The following CTDSP2 variants were observed in gnomAD, a reference collection of about 807,000 sequenced individuals.
CTDSP2 encodes the protein CTD small phosphatase 2.
Under a neutral mutation model 31.6 loss-of-function variants are expected in CTDSP2, and 9 were observed. The observed-to-expected ratio is 0.28, with a 90% CI of 0.17 to 0.50. The LOEUF is 0.50. Ranked by LOEUF, CTDSP2 falls within the 20% of genes least tolerant of loss-of-function variation. The pLI is 0.98. For missense variants in CTDSP2, 267 were observed against 348.5 expected, an observed-to-expected ratio of 0.77 and a Z score of 1.86; for synonymous variants, 134 against 134.5, an observed-to-expected ratio of 1.00 and a Z score of 0.03.
intron 1 of CTDSP2, among the ~76,000 whole-genome samples, chr12:57,839,637 A>G (rs1956270348): frequency 1.3e-5 from 2 of 152,120 alleles, no homozygotes; most frequent in Non-Finnish European, 2.9e-5. Context: ...AGAATGGCAT[A>G]GACCCAGGAG....
Position 57,820,565 on chromosome 12 carries a change from T to C in CTDSP2, c.*3037A>G. The C allele has an allele frequency of 6.6e-6, 1 of 152,660 alleles. No individual in the cohort carries two copies. Among genetic ancestry groups the C allele is most frequent in the East Asian group, 1.9e-4 (1 of 5,202 alleles). 9.5% of individuals were successfully genotyped at this position (152,660 alleles called of 1,614,324 possible). ...AGAAAGACTGCCTTTACATTTCCCA[T>C]GCTTTTAGCACAAAGCAGCGTCTGG... On this transcript the variant is annotated 3_prime_UTR_variant, in exon 8 of 8. Coordinates refer to ENST00000398073, the MANE Select transcript of CTDSP2 (RefSeq NM_005730.4).
Position 57,822,937 on chromosome 12 carries a change from C to A in CTDSP2, c.*665G>T, listed in dbSNP as rs1956156556. ...GGTGGTGAGGAAGGCAGGCTCAGCA[C>A]CCCAGCCTTGGGGAGACATAGAAAA... On this transcript the variant is annotated 3_prime_UTR_variant, in exon 8 of 8. Coordinates refer to ENST00000398073, the MANE Select transcript of CTDSP2 (RefSeq NM_005730.4). The A allele has an allele frequency of 6.5e-6, 1 of 152,892 alleles. No homozygotes were observed. Among genetic ancestry groups the A allele is most frequent in the Non-Finnish European group, 1.5e-5 (1 of 68,258 alleles). The allele number at this position is 152,892 out of a possible 1,614,324, so 9.5% of individuals were successfully genotyped here. A position where few individuals can be genotyped will look rare whatever the true frequency, so the allele number is the denominator to read the frequency against.
rs1026612021 is a variant in CTDSP2, at chr12:57,823,701, G to A, written c.717C>T (p.Asp239=). Residue 239 remains aspartate, a synonymous_variant, in exon 8 of 8, where the codon GAC becomes GAT. Coordinates refer to ENST00000398073, the MANE Select transcript of CTDSP2 (RefSeq NM_005730.4). The part of the protein sequence containing the change: ...NAVPVQSWFD[D]MADTELLNLI... ...GGTTCAGCAACTCAGTGTCTGCCAT[G>A]TCATCAAACCAGGACTGCACAGGCA... 18 of 1,613,988 alleles carry A rather than the reference G, an allele frequency of 1.1e-5. No individual in the cohort carries two copies. The highest frequency in any genetic ancestry group is 1.4e-5 in the Non-Finnish European group (17 of 1,180,032).
At chr12:57,825,776 G>GC in intron 5 of CTDSP2, among the ~76,000 whole-genome samples, 1 of 152,292 alleles carries the variant, frequency 6.6e-6, no homozygotes, top group Non-Finnish European at 1.5e-5. Flanking sequence ...CCAATGGAGG[G>GC]CCCCAGGGAA....
intron 1 of CTDSP2, among the ~76,000 whole-genome samples, chr12:57,830,541 C>T (rs1595190396): frequency 1.3e-5 from 2 of 152,264 alleles, no homozygotes; most frequent in South Asian, 4.1e-4. Context: ...CCTTGCCTCC[C>T]CTCCTCCACT....
intron 1 of CTDSP2, among the ~76,000 whole-genome samples, chr12:57,844,686 A>G (rs1469747356): frequency 1.3e-5 from 2 of 149,556 alleles, no homozygotes; most frequent in East Asian, 3.9e-4. Flanking sequence ...AGCCATCAGC[A>G]CAGTTGAGCA....
chr12:57,844,354 A>T (rs984896305), intron 1 of CTDSP2, among the ~76,000 whole-genome samples: 1 of 152,208 alleles, frequency 6.6e-6, no homozygotes, highest in Non-Finnish European at 1.5e-5. Context: ...TCTATTCTGT[A>T]GCCTGCCATT....
rs1238787250 is a variant in CTDSP2, at chr12:57,844,484, T to TG, written c.64+1887dup. Among the ~76,000 whole-genome samples, 19 of 152,268 alleles carry TG rather than the reference T, an allele frequency of 1.2e-4. No homozygotes were observed. The East Asian group carries it at 3.7e-3, about 29-fold the overall frequency. The stretch of plus-strand genomic sequence containing the variant: ...GGCACACTCCCTGCAAGAGAGTCCC[T>TG]GCAAGAGAGGAAGACCTAGTGGGGA... On this transcript the variant is annotated intron_variant, in intron 1 of 7. Transcript: ENST00000398073.
rs1466824944 is a variant in CTDSP2, at chr12:57,823,390, T to C, written c.*212A>G. 3 of 589,860 alleles carry C rather than the reference T, an allele frequency of 5.1e-6. No individual in the cohort carries two copies. In the East Asian group the frequency reaches 8.7e-5, roughly 17 times the overall value. The allele number at this position is 589,860 out of a possible 1,614,324, so 36.5% of individuals were successfully genotyped here. On this transcript the variant is annotated 3_prime_UTR_variant, in exon 8 of 8. Coordinates refer to ENST00000398073, the MANE Select transcript of CTDSP2 (RefSeq NM_005730.4). ...ACTCTCTCACAGTCAAACACACATC[T>C]CAACAAGTTGGCGGCAGGTAGCTCT...
rs1023132322 is a variant in CTDSP2 at position 57,822,560 on chromosome 12, G to C, written c.*1042C>G. ...AAAGAGCCCTGCCCAAGAAATGGGA[G>C]GGGCTGGGACAGCTTAGTTTTTCCC... On this transcript the variant is annotated 3_prime_UTR_variant, in exon 8 of 8. Coordinates refer to ENST00000398073, the MANE Select transcript of CTDSP2 (RefSeq NM_005730.4). 6.6e-6 allele frequency: 1 copy of C among 152,364 alleles called. No homozygotes were observed. Among genetic ancestry groups the C allele is most frequent in the Non-Finnish European group, 1.5e-5 (1 of 68,146 alleles). 9.4% of individuals were successfully genotyped at this position (152,364 alleles called of 1,614,324 possible).
chr12:57,824,299 A>C lies in CTDSP2; in HGVS notation c.432T>G (p.Pro144=). The C allele has an allele frequency of 6.2e-7, 1 of 1,614,006 alleles. No individual in the cohort carries two copies. The highest frequency in any genetic ancestry group is 8.5e-7 in the Non-Finnish European group (1 of 1,179,894). ...TTHQVYVLKR[P]YVDEFLRRMG... ...TGCGTCTCAGGAACTCATCCACATA[A>C]GGCCTCTTGAGCACATACACCTGAG... is the stretch of plus-strand genomic sequence containing the variant. Residue 144 remains proline (P), a synonymous_variant, in exon 6 of 8, where the codon CCT becomes CCG. Coordinates refer to ENST00000398073, the MANE Select transcript of CTDSP2 (RefSeq NM_005730.4).
chr12:57,835,537 G>T (rs1022849492), intron 1 of CTDSP2, among the ~76,000 whole-genome samples: 3 of 152,226 alleles, frequency 2.0e-5, no homozygotes, highest in African/African-American at 7.2e-5. Context: ...CCAACTACGA[G>T]CTGCTCTCCC....
intron 1 of CTDSP2, chr12:57,842,222 T>G (rs901053573): frequency 2.0e-5 from 3 of 152,240 alleles, no homozygotes; most frequent in Non-Finnish European, 4.4e-5. Flanking sequence ...TGTCTTTCTT[T>G]TCCATGCTTA....
chr12:57,820,021 A>C lies in CTDSP2; in HGVS notation c.*3581T>G, dbSNP rs1001845739. The C allele has an allele frequency of 2.0e-5, 3 of 152,678 alleles. No homozygotes were observed. Among genetic ancestry groups the C allele is most frequent in the Non-Finnish European group, 4.4e-5 (3 of 68,048 alleles). 9.5% of individuals were successfully genotyped at this position (152,678 alleles called of 1,614,324 possible). On this transcript the variant is annotated 3_prime_UTR_variant, in exon 8 of 8. Transcript: ENST00000398073. Reference sequence around the variant, plus strand: ...AAACAGACACTTAATGGCGTCCTGCATTTCAAGTTTTTGAATACAACAAAT... The same window carrying C: ...AAACAGACACTTAATGGCGTCCTGCCTTTCAAGTTTTTGAATACAACAAAT...
At chr12:57,826,582 C>T (rs1336983088) in intron 4 of CTDSP2, among the ~76,000 whole-genome samples, 180 bp from the exon 5 acceptor site, 4 of 152,224 alleles carry the variant, frequency 2.6e-5, no homozygotes, top group African/African-American at 9.6e-5. Context: ...GTTTTCCCTA[C>T]TCCTTAGCAC....
In CTDSP2 at chr12:57,823,352, C is replaced by A; in HGVS notation, c.*250G>T. ...GGGCCACAGTTCATGGCAAAACACA[C>A]ACACAAACACACACTCTCTCACAGT... On this transcript the variant is annotated 3_prime_UTR_variant, in exon 8 of 8. Coordinates refer to ENST00000398073, the MANE Select transcript of CTDSP2 (RefSeq NM_005730.4). 2 of 529,298 alleles carry A rather than the reference C, an allele frequency of 3.8e-6. No homozygotes were observed. The highest frequency in any genetic ancestry group is 6.8e-6 in the Non-Finnish European group (2 of 292,034). The allele number at this position is 529,298 out of a possible 1,614,324, so 32.8% of individuals were successfully genotyped here. A position where few individuals can be genotyped will look rare whatever the true frequency, so the allele number is the denominator to read the frequency against.
At chr12:57,842,582 G>C (rs2140485604) in intron 1 of CTDSP2, 1 of 152,314 alleles carries the variant, frequency 6.6e-6, no homozygotes. Flanking sequence ...CTGCAATTTT[G>C]GGGACAGGAG....
In CTDSP2 at chr12:57,820,807, C is replaced by G. The variant is rs1395861707; in HGVS notation, c.*2795G>C. On this transcript the variant is annotated 3_prime_UTR_variant, in exon 8 of 8. Coordinates refer to ENST00000398073, the MANE Select transcript of CTDSP2 (RefSeq NM_005730.4). Reference sequence around the variant, plus strand: ...CCAAACTGGTCCTGTGTCCAAAGCTCCCCCTATGAGAGGGACACGAACATC... The same window carrying G: ...CCAAACTGGTCCTGTGTCCAAAGCTGCCCCTATGAGAGGGACACGAACATC... 1.3e-5 allele frequency: 2 copies of G among 152,248 alleles called. No homozygotes were observed. Among genetic ancestry groups the G allele is most frequent in the African/African-American group, 4.8e-5 (2 of 41,430 alleles). 9.4% of individuals were successfully genotyped at this position (152,248 alleles called of 1,614,324 possible).
intron 1 of CTDSP2, among the ~76,000 whole-genome samples, chr12:57,846,070 C>T (rs1254577908): frequency 6.6e-6 from 1 of 152,190 alleles, no homozygotes; most frequent in East Asian, 1.9e-4. Flanking sequence ...GCGGTGGACG[C>T]GGAGTGGCCC....
Sources: allele counts gnomAD v4.1 joint callset (sites outside exome capture counted in the v4.1 genomes callset), GRCh38; gene constraint gnomAD v4.1.1; transcripts MANE v1.5; gene names NCBI Gene and HGNC (gene_info 2026-07-23, HGNC 2026-07-21).